The following ANO1 variants were observed in gnomAD, a reference collection of about 807,000 sequenced individuals.
ANO1 encodes the protein anoctamin-1.
In ANO1, 59 loss-of-function variants were observed where a neutral mutation model predicts 124.0. The ratio of observed to expected loss-of-function variants is 0.48; its 90% CI spans 0.39 to 0.59. The LOEUF (loss-of-function observed/expected upper bound fraction) is 0.59. Ranked by LOEUF, ANO1 falls within the 20% of genes least tolerant of loss-of-function variation. The pLI, the probability that ANO1 is intolerant of heterozygous loss-of-function variation, is 0.00. For missense variants in ANO1, 1,059 were observed against 1,328.0 expected, an observed-to-expected ratio of 0.80 and a Z score of 3.15; for synonymous variants, 529 against 532.0, an observed-to-expected ratio of 0.99 and a Z score of 0.08.
chr11:70,100,281 G>A (rs919492805), intron 2 of ANO1, among the ~76,000 whole-genome samples: 8 of 152,230 alleles, frequency 5.3e-5, no homozygotes, highest in African/African-American at 1.9e-4. Flanking sequence ...CCTGGAGCCT[G>A]CGAACGTGGC....
At chr11:70,156,411 A>AG (rs1327849699) in intron 15 of ANO1, among the ~76,000 whole-genome samples, 1 of 152,116 alleles carries the variant, frequency 6.6e-6, no homozygotes, top group African/African-American at 2.4e-5. Context: ...GCTTCTACCT[A>AG]GGGTTTCTCC....
At chr11:70,103,270 A>T (rs796581067) in intron 3 of ANO1, 106 bp downstream of exon 3, 1 of 917,438 alleles carries the variant, frequency 1.1e-6, no homozygotes, top group Non-Finnish European at 1.6e-6. Context: ...TTTATAAAAA[A>T]AAAACCCAGT....
At chr11:69,979,938 G>A in the ANO1 span, among the ~76,000 whole-genome samples, 1 of 152,134 alleles carries the variant, frequency 6.6e-6, no homozygotes, top group Non-Finnish European at 1.5e-5. Flanking sequence ...GCCGTGCCGT[G>A]GTTCAGGGCC....
intron 22 of ANO1, among the ~76,000 whole-genome samples, chr11:70,175,945 G>T (rs2048675963): frequency 6.6e-6 from 1 of 152,264 alleles, no homozygotes; most frequent in Non-Finnish European, 1.5e-5. Flanking sequence ...TATTTGAAGA[G>T]ATTTATTCTG....
At chr11:70,171,257 C>T (rs1590916400) in intron 22 of ANO1, among the ~76,000 whole-genome samples, 1 of 152,172 alleles carries the variant, frequency 6.6e-6, no homozygotes, top group African/African-American at 2.4e-5. Flanking sequence ...ATGCCTTGGT[C>T]ACAGAGGATG....
intron 1 of ANO1, chr11:70,018,487 C>T (rs940334265): frequency 1.3e-5 from 2 of 152,290 alleles, no homozygotes; most frequent in East Asian, 1.9e-4. Flanking sequence ...TGACATGGCT[C>T]GCTTCTGAGC....
chr11:70,161,131 C>A, intron 16 of ANO1, 30 bp from the exon 17 acceptor site: 1 of 1,597,188 alleles, frequency 6.3e-7, no homozygotes. Context: ...GGTGGGCCCC[C>A]AACCAAGAGT....
Position 70,171,054 on chromosome 11 carries a change from G to A in ANO1, c.2350+15G>A, listed in dbSNP as rs776353598. 10 of 1,609,356 alleles carry A rather than the reference G, an allele frequency of 6.2e-6. No individual in the cohort carries two copies. The highest frequency in any genetic ancestry group is 1.1e-5 in the South Asian group (1 of 90,252). ...CAAAGACATCGGTGAGTGACCCCAC[G>A]GGCCGGCAGAACCGGTTCCGAGTGC... On this transcript the variant is annotated intron_variant, in intron 22 of 25. Coordinates refer to ENST00000355303, the MANE Select transcript of ANO1 (RefSeq NM_018043.7).
chr11:69,988,502 C>A (rs1303012012), intron 1 of ANO1, among the ~76,000 whole-genome samples: 1 of 152,192 alleles, frequency 6.6e-6, no homozygotes, highest in Non-Finnish European at 1.5e-5. Flanking sequence ...TCATCATTGT[C>A]ATCAATGTCA....
At chr11:70,049,518 A>G (rs1264562218) in intron 1 of ANO1, among the ~76,000 whole-genome samples, 3 of 152,216 alleles carry the variant, frequency 2.0e-5, no homozygotes, top group African/African-American at 7.2e-5. Context: ...TTTATTCAGC[A>G]GGTCATGCTC....
chr11:70,035,520 C>CTA (rs34200982), intron 1 of ANO1, among the ~76,000 whole-genome samples: 53,958 of 147,610 alleles, frequency 0.37, 10,206 homozygotes, highest in South Asian at 0.47. Context: ...TAAGCTGTTG[C>CTA]TATATATATA....
In ANO1 at chr11:70,155,900, CCCCCCCTCAGAAGCG is replaced by C. The variant is rs1565257883; in HGVS notation, c.1426-8_1432del. 1 of 1,532,868 alleles carries C rather than the reference CCCCCCCTCAGAAGCG, an allele frequency of 6.5e-7. No homozygotes were observed. Among genetic ancestry groups the C allele is most frequent in the Admixed American group, 2.1e-5 (1 of 47,478 alleles). The allele number at this position is 1,532,868 out of a possible 1,614,324, so 95.0% of individuals were successfully genotyped here. On this transcript the variant is annotated splice_acceptor_variant and splice_polypyrimidine_tract_variant and coding_sequence_variant and intron_variant, in exon 15 of 26. Coordinates refer to ENST00000355303, the MANE Select transcript of ANO1 (RefSeq NM_018043.7). LOFTEE classifies it high-confidence loss of function. ...ACCGCACGGTGCTCTCTTTCCCCCA[CCCCCCCTCAGAAGCG>C]CCGGCATATTCCAGAGGAGTCAACA...
At chr11:70,115,971 CT>C (rs1369780842) in intron 7 of ANO1, among the ~76,000 whole-genome samples, 2 of 152,164 alleles carry the variant, frequency 1.3e-5, no homozygotes, top group Non-Finnish European at 2.9e-5. Context: ...GTGATTCCAT[CT>C]GTAGAATGGG....
chr11:70,002,629 C>T (rs782792402), intron 1 of ANO1, among the ~76,000 whole-genome samples: 6 of 152,190 alleles, frequency 3.9e-5, no homozygotes, highest in Non-Finnish European at 8.8e-5. Flanking sequence ...ACTCTATGTT[C>T]ACACTATGAT....
intron 1 of ANO1, among the ~76,000 whole-genome samples, chr11:70,006,652 CTTTCTTCTTTCTTTTTT>C (rs1555000123): frequency 2.9e-4 from 32 of 111,884 alleles, no homozygotes; most frequent in Admixed American, 1.0e-3. Flanking sequence ...TTCTTTCTTT[CTTTCTTCTTTCTTTTTT>C]TTTTTTTTTT....
At chr11:70,179,101 A>G (rs1218497634) in intron 22 of ANO1, among the ~76,000 whole-genome samples, 1 of 152,208 alleles carries the variant, frequency 6.6e-6, no homozygotes, top group East Asian at 1.9e-4. Context: ...CGCTATGTAC[A>G]GCTCTCCCTG....
chr11:70,100,477 G>T (rs1038783706), intron 2 of ANO1, among the ~76,000 whole-genome samples: 1 of 152,224 alleles, frequency 6.6e-6, no homozygotes, highest in Admixed American at 6.5e-5. Context: ...CCACAGCCAG[G>T]GGACGCCTGG....
At chr11:70,172,896 A>G (rs531261212) in intron 22 of ANO1, among the ~76,000 whole-genome samples, 15 of 152,160 alleles carry the variant, frequency 9.9e-5, no homozygotes, top group East Asian at 3.9e-4. Flanking sequence ...AGCTTTATCA[A>G]TTGTTCCAAG....
intron 1 of ANO1, among the ~76,000 whole-genome samples, chr11:70,071,160 G>C (rs1182709240): frequency 6.6e-6 from 1 of 152,184 alleles, no homozygotes; most frequent in African/African-American, 2.4e-5. Context: ...TGTAATTAAA[G>C]GCTACTCTGT....
Sources: allele counts gnomAD v4.1 joint callset (sites outside exome capture counted in the v4.1 genomes callset), GRCh38; gene constraint gnomAD v4.1.1; transcripts MANE v1.5; gene names NCBI Gene and HGNC (gene_info 2026-07-23, HGNC 2026-07-21).